The following CASZ1 variants were observed in gnomAD, a reference collection of about 807,000 sequenced individuals.
CASZ1 encodes castor zinc finger 1, also known as zinc finger protein castor homolog 1.
In CASZ1, 28 loss-of-function variants were observed where a neutral mutation model predicts 135.2. The ratio of observed to expected loss-of-function variants is 0.21; its 90% confidence interval spans 0.15 to 0.28. The LOEUF (loss-of-function observed/expected upper bound fraction) is 0.28. Ranked by LOEUF, CASZ1 falls within the 10% of genes least tolerant of loss-of-function variation. The probability of loss-of-function intolerance (pLI) is 1.00; values close to 1 mark genes in which losing one functional copy is unlikely to be tolerated. For missense variants in CASZ1, 2,161 were observed against 2,453.3 expected (o/e 0.88, Z 2.52); for synonymous variants, 1,068 against 1,073.4 (o/e 0.99, Z 0.10).
At chr1:10,704,080 G>A (rs1444163031) in intron 3 of CASZ1, 3 of 152,288 alleles carry the variant, frequency 2.0e-5, no homozygotes, top group Non-Finnish European at 4.4e-5. Flanking sequence ...TGATCAGAGG[G>A]TAGAGCAAAG....
chr1:10,647,385 C>T lies in CASZ1; in HGVS notation c.3497+416G>A. The T allele has an allele frequency of 9.3e-7, 1 of 1,074,874 alleles. No homozygotes were observed. Among genetic ancestry groups the T allele is most frequent in the Non-Finnish European group, 1.1e-6 (1 of 884,620 alleles). 66.6% of individuals were successfully genotyped at this position (1,074,874 alleles called of 1,614,324 possible). On this transcript the variant is annotated intron_variant, in intron 16 of 20. Transcript: ENST00000377022. The surrounding 1 kb of genome is among the most constrained non-coding windows in gnomAD (Gnocchi z 4.9). ...ACGGCCTGGAGGGGCCTGGCCCCTA[C>T]CCGTGACTTCACGTGCCCTGCAGAG...
intron 1 of CASZ1, among the ~76,000 whole-genome samples, chr1:10,770,916 C>G (rs898364124): frequency 6.6e-6 from 1 of 152,192 alleles, no homozygotes; most frequent in African/African-American, 2.4e-5. Flanking sequence ...GGCCAGCAAC[C>G]CAAGCCCCAG....
At chr1:10,665,713 C>T in intron 4 of CASZ1, 142 bp from the exon 5 acceptor site, 2 of 901,530 alleles carry the variant, frequency 2.2e-6, no homozygotes, top group Non-Finnish European at 3.2e-6. Context: ...GACTGCCTGG[C>T]ATGTGTCTAT....
In CASZ1 at chr1:10,694,784, G is replaced by A. The variant is rs1638888172; in HGVS notation, c.-23-872C>T. Among the ~76,000 whole-genome samples, 1 of 145,192 alleles carries A rather than the reference G, an allele frequency of 6.9e-6. No individual in the cohort carries two copies. Among genetic ancestry groups the A allele is most frequent in the South Asian group, 2.1e-4 (1 of 4,784 alleles). On this transcript the variant is annotated intron_variant, in intron 3 of 20. Coordinates refer to ENST00000377022, the MANE Select transcript of CASZ1 (RefSeq NM_001079843.3). The surrounding 1 kb of genome is among the most constrained non-coding windows in gnomAD (Gnocchi z 6.6). ...CCCCAAACCTCTGGCTCCGGGAGGA[G>A]GAGGCGGGGACTTGCGCTCAGGGCT...
At chr1:10,684,442 C>T (rs979286033) in intron 4 of CASZ1, among the ~76,000 whole-genome samples, 2 of 152,132 alleles carry the variant, frequency 1.3e-5, no homozygotes, top group African/African-American at 4.8e-5. Context: ...GTTTTGGTAG[C>T]GCAAGGGGGT....
chr1:10,665,584 A>C lies in CASZ1; in HGVS notation c.17-13T>G. The stretch of plus-strand genomic sequence containing the variant: ...CGGGTGCCCTCAGCTGCAGGGATGG[A>C]GGAGAGCACGGAGGTCAGAGGCGTG... On this transcript the variant is annotated splice_polypyrimidine_tract_variant and intron_variant, in intron 4 of 20. Transcript: ENST00000377022. 6.5e-7 allele frequency: 1 copy of C among 1,543,624 alleles called. No homozygotes were observed. Among genetic ancestry groups the C allele is most frequent in the Non-Finnish European group, 8.7e-7 (1 of 1,150,332 alleles).
At chr1:10,663,535 G>C (rs1301661798) in intron 5 of CASZ1, among the ~76,000 whole-genome samples, 3 of 152,228 alleles carry the variant, frequency 2.0e-5, no homozygotes, top group Non-Finnish European at 4.4e-5. Context: ...CAGGGACCAG[G>C]GAAAGGGGCT....
At chr1:10,655,572 TG>T (rs1642758348) in intron 9 of CASZ1, 76 bp downstream of exon 9, 1 of 1,401,198 alleles carries the variant, frequency 7.1e-7, no homozygotes, top group Non-Finnish European at 9.8e-7. Flanking sequence ...GCCCTGCCTC[TG>T]GGAGTGGGGG....
chr1:10,750,596 C>T (rs1001033217), intron 2 of CASZ1, among the ~76,000 whole-genome samples: 9 of 150,788 alleles, frequency 6.0e-5, no homozygotes, highest in Admixed American at 2.0e-4. Flanking sequence ...CATCAGTTTG[C>T]GCACTTATAG....
chr1:10,748,524 G>T (rs1202375164), intron 2 of CASZ1, among the ~76,000 whole-genome samples: 1 of 152,204 alleles, frequency 6.6e-6, no homozygotes, highest in Admixed American at 6.5e-5. Flanking sequence ...ATGAGGCTAA[G>T]CTTGCAGAGT....
chr1:10,709,323 G>A lies in CASZ1; in HGVS notation c.-76-3779C>T, dbSNP rs1327573755. On this transcript the variant is annotated intron_variant, in intron 2 of 20. Coordinates refer to ENST00000377022, the MANE Select transcript of CASZ1 (RefSeq NM_001079843.3). This position sits in a 1 kb window ranked among gnomAD's most constrained non-coding sequence, Gnocchi z 5.1. ...CCCCTGCCCCCAGCCCCATCCTCACGCACAGCCTCTCCCTGGCCAGCCCTT... is the reference window on the plus strand; with the variant it reads ...CCCCTGCCCCCAGCCCCATCCTCACACACAGCCTCTCCCTGGCCAGCCCTT... Among the ~76,000 whole-genome samples the A allele has an allele frequency of 6.6e-6, 1 of 152,130 alleles. No individual in the cohort carries two copies. Among genetic ancestry groups the A allele is most frequent in the Non-Finnish European group, 1.5e-5 (1 of 68,018 alleles).
chr1:10,659,028 A>C (rs1004765347), intron 6 of CASZ1, among the ~76,000 whole-genome samples: 1 of 152,118 alleles, frequency 6.6e-6, no homozygotes, highest in African/African-American at 2.4e-5. Context: ...GAGCCCCCCC[A>C]GGGTTCAGGA....
chr1:10,762,790 G>A lies in CASZ1; in HGVS notation c.-233-1933C>T, dbSNP rs527873695. On this transcript the variant is annotated intron_variant, in intron 1 of 20. Transcript: ENST00000377022. The surrounding 1 kb of genome is among the most constrained non-coding windows in gnomAD (Gnocchi z 4.1). ...CTACCTCCCCAACTCCAGGCAAGGC[G>A]CTGGCAAGACCAGGGGCTGACCACA... Among the ~76,000 whole-genome samples, 1 of 152,202 alleles carries A rather than the reference G, an allele frequency of 6.6e-6. No individual in the cohort carries two copies. Among genetic ancestry groups the A allele is most frequent in the South Asian group, 2.1e-4 (1 of 4,820 alleles).
At chr1:10,772,725 A>C (rs1396056990) in intron 1 of CASZ1, among the ~76,000 whole-genome samples, 1 of 152,128 alleles carries the variant, frequency 6.6e-6, no homozygotes, top group Non-Finnish European at 1.5e-5. Flanking sequence ...TCCTAAGCCA[A>C]TGCAGAGACA....
chr1:10,789,364 C>A (rs535062047), intron 1 of CASZ1, among the ~76,000 whole-genome samples: 2 of 151,292 alleles, frequency 1.3e-5, no homozygotes, highest in South Asian at 4.2e-4. Flanking sequence ...TCTGCCTGCC[C>A]CCCGCACCCC....
intron 20 of CASZ1, among the ~76,000 whole-genome samples, chr1:10,640,302 G>A (rs568952505): frequency 2.6e-5 from 4 of 151,908 alleles, no homozygotes; most frequent in Admixed American, 1.3e-4. Context: ...CCTCTCCCCC[G>A]GGGGGTGGCA....
chr1:10,639,116 GTCGTCGTCC>G lies in CASZ1; in HGVS notation c.5097_5105del (p.Glu1699_Asp1701del), dbSNP rs1226217030. 4.5e-5 allele frequency: 52 copies of G among 1,154,704 alleles called. No individual in the cohort carries two copies. Among genetic ancestry groups the G allele is most frequent in the South Asian group, 1.3e-4 (6 of 48,000 alleles). The allele number at this position is 1,154,704 out of a possible 1,614,324, so 71.5% of individuals were successfully genotyped here. The stretch of plus-strand genomic sequence containing the variant: ...CGTCGTCCTCGTCGTCGTCCTCGTC[GTCGTCGTCC>G]TCGTCGTCGTCCTCGTCCTCGTCGT... On this transcript the variant is annotated inframe_deletion, in exon 21 of 21. Transcript: ENST00000377022. This position sits in a 1 kb window ranked among gnomAD's most constrained non-coding sequence, Gnocchi z 4.0.
At chr1:10,680,863 A>C (rs59091173) in intron 4 of CASZ1, among the ~76,000 whole-genome samples, 4,123 of 152,260 alleles carry the variant, frequency 0.027, 99 homozygotes, top group African/African-American at 0.062. Context: ...TCCCCCTCCC[A>C]CTGGGGCAGG....
chr1:10,764,829 G>C lies in CASZ1; in HGVS notation c.-233-3972C>G, dbSNP rs539477904. Among the ~76,000 whole-genome samples the C allele has an allele frequency of 8.5e-5, 13 of 152,310 alleles. No individual in the cohort carries two copies. In the East Asian group the frequency reaches 2.5e-3, roughly 29 times the overall value. On this transcript the variant is annotated intron_variant, in intron 1 of 20. Coordinates refer to ENST00000377022, the MANE Select transcript of CASZ1 (RefSeq NM_001079843.3). The stretch of plus-strand genomic sequence containing the variant: ...AGGTGCTTCTGGCCGGGCTGAAAAG[G>C]GGGGAAAGCGAGGCCCATGGTAATA...
Sources: gnomAD v4.1 joint callset for allele counts (sites outside exome capture counted in the v4.1 genomes callset) on GRCh38, gnomAD v4.1.1 for gene constraint, Gnocchi (gnomAD v3.1) non-coding constraint, MANE v1.5 for transcripts, NCBI Gene and HGNC (gene_info 2026-07-23, HGNC 2026-07-21) for gene names.